The following KIT variants were observed in gnomAD, a reference collection of about 807,000 sequenced individuals.
KIT encodes the protein mast/stem cell growth factor receptor Kit.
Under a neutral mutation model 105.7 loss-of-function variants are expected in KIT, and 16 were observed. The ratio of observed to expected loss-of-function variants is 0.15; its 90% CI spans 0.10 to 0.23. The LOEUF is 0.23. KIT is among the 10% of genes least tolerant of loss of function. KIT has a pLI of 1.00. For synonymous variants in KIT, 438 were observed against 441.1 expected, an observed-to-expected ratio of 0.99 and a Z score of 0.09; for missense variants, 858 against 1,213.8, an observed-to-expected ratio of 0.71 and a Z score of 4.36.
At chr4:54,662,998 A>T (rs1293429834) in intron 1 of KIT, among the ~76,000 whole-genome samples, 1 of 139,660 alleles carries the variant, frequency 7.2e-6, no homozygotes, top group East Asian at 1.9e-4. Flanking sequence ...AGGGGGGAAA[A>T]AAAAAAACTA....
In KIT at chr4:54,727,947, T is replaced by G. The variant is rs1722345480; in HGVS notation, c.1879+20T>G. On this transcript the variant is annotated intron_variant, in intron 12 of 20. Transcript: ENST00000288135. The stretch of plus-strand genomic sequence containing the variant: ...TCAAGCGTAAGTTCCTGTATGGTAC[T>G]GCATGCGCTTGACATCAGTTTGCCA... 2.5e-6 allele frequency: 4 copies of G among 1,611,486 alleles called. No homozygotes were observed. The highest frequency in any genetic ancestry group is 3.4e-6 in the Non-Finnish European group (4 of 1,177,576).
intron 1 of KIT, among the ~76,000 whole-genome samples, chr4:54,659,057 T>G (rs1427881769): frequency 6.6e-6 from 1 of 152,074 alleles, no homozygotes; most frequent in African/African-American, 2.4e-5. Flanking sequence ...TCCCGGTGTC[T>G]GCGACCTGTA....
intron 3 of KIT, among the ~76,000 whole-genome samples, chr4:54,699,026 CTG>C (rs2109676482): frequency 6.6e-6 from 1 of 152,316 alleles, no homozygotes; most frequent in East Asian, 1.9e-4. Flanking sequence ...TTCCAGTTGA[CTG>C]TGGAACTTGT....
chr4:54,688,344 G>A (rs1719461785), intron 1 of KIT, among the ~76,000 whole-genome samples: 1 of 152,206 alleles, frequency 6.6e-6, no homozygotes, highest in South Asian at 2.1e-4. Context: ...TAAACACTAT[G>A]TGAACCGAAG....
chr4:54,710,607 C>CATG (rs10650739), intron 7 of KIT, among the ~76,000 whole-genome samples: 150,256 of 152,074 alleles, frequency 0.99, 74,265 homozygotes, highest in Middle Eastern at 1. Context: ...AGTGCAGTGA[C>CATG]ATCTCGATTC....
intron 5 of KIT, among the ~76,000 whole-genome samples, chr4:54,706,874 G>A (rs1169569796): frequency 1.3e-5 from 2 of 152,142 alleles, no homozygotes; most frequent in African/African-American, 4.8e-5. Context: ...TTGCTTAAGA[G>A]GCAGAGATGG....
intron 1 of KIT, among the ~76,000 whole-genome samples, chr4:54,694,371 A>G (rs1454805553): frequency 6.6e-6 from 1 of 152,076 alleles, no homozygotes; most frequent in Non-Finnish European, 1.5e-5. Flanking sequence ...GTTTTTAGAG[A>G]GACAGAGTCT....
intron 17 of KIT, among the ~76,000 whole-genome samples, chr4:54,733,592 A>C (rs1722736024): frequency 6.6e-6 from 1 of 152,172 alleles, no homozygotes; most frequent in Admixed American, 6.6e-5. Flanking sequence ...ATTCAGAGTT[A>C]GCCATATAGA....
chr4:54,725,342 T>A (rs1722148663), intron 8 of KIT, among the ~76,000 whole-genome samples: 1 of 152,124 alleles, frequency 6.6e-6, no homozygotes, highest in African/African-American at 2.4e-5. Flanking sequence ...TGACCTCAGG[T>A]GATCTGCCCA....
chr4:54,683,049 G>A (rs1719063574), intron 1 of KIT, among the ~76,000 whole-genome samples: 1 of 150,310 alleles, frequency 6.7e-6, no homozygotes, highest in Non-Finnish European at 1.5e-5. Flanking sequence ...ACTGTGCCCG[G>A]CCTGTCTTAA....
chr4:54,676,979 C>T (rs1022100807), intron 1 of KIT, among the ~76,000 whole-genome samples: 2 of 152,070 alleles, frequency 1.3e-5, no homozygotes, highest in Non-Finnish European at 1.5e-5. Context: ...CATTGTACAG[C>T]GTGCTTGTTC....
At chr4:54,667,940 C>A (rs550011070) in intron 1 of KIT, among the ~76,000 whole-genome samples, 1 of 152,324 alleles carries the variant, frequency 6.6e-6, no homozygotes, top group African/African-American at 2.4e-5. Context: ...TTCCCCACTC[C>A]TAGCCAAGAT....
At chr4:54,725,435 A>G (rs1292156941) in intron 8 of KIT, among the ~76,000 whole-genome samples, 1 of 151,802 alleles carries the variant, frequency 6.6e-6, no homozygotes, top group African/African-American at 2.4e-5. Flanking sequence ...TTCCTCCTCT[A>G]TGCTATTTCT....
chr4:54,718,499 C>A (rs1298872713), intron 7 of KIT, among the ~76,000 whole-genome samples: 1 of 152,142 alleles, frequency 6.6e-6, no homozygotes, highest in Non-Finnish European at 1.5e-5. Flanking sequence ...TTAGTGTCCA[C>A]AAGGAAAGTT....
At chr4:54,737,086 G>A in intron 19 of KIT, 89 bp from the exon 20 acceptor site, 1 of 856,256 alleles carries the variant, frequency 1.2e-6, no homozygotes, top group South Asian at 1.4e-5. Flanking sequence ...CATAGCCCTG[G>A]AATTATTACT....
chr4:54,723,648 A>G lies in KIT; in HGVS notation c.1296A>G (p.Gly432=), dbSNP rs781686359. Reference sequence around the variant, plus strand: ...GCATGCTCCAATGTGTGGCAGCAGGATTCCCAGAGCCCACAATAGATTGGT... The same window carrying G: ...GCATGCTCCAATGTGTGGCAGCAGGGTTCCCAGAGCCCACAATAGATTGGT... ...VNGMLQCVAA[G]FPEPTIDWYF... is the part of the protein sequence containing the mutation. Residue 432 remains glycine, a synonymous_variant, in exon 8 of 21, where the codon GGA becomes GGG. Coordinates refer to ENST00000288135, the MANE Select transcript of KIT (RefSeq NM_000222.3). 20 of 1,614,030 alleles carry G rather than the reference A, an allele frequency of 1.2e-5. No individual in the cohort carries two copies. In the Admixed American group the frequency reaches 3.3e-4, roughly 27 times the overall value.
At position 54,733,119 on chromosome 4, in the gene KIT, G is replaced by A. The variant is rs777616126; in HGVS notation, c.2411G>A (p.Arg804Gln). Reference sequence around the variant, plus strand: ...AGAAATATCCTCCTTACTCATGGTCGGATCACAAAGATTTGTGATTTTGGT... The same window carrying A: ...AGAAATATCCTCCTTACTCATGGTCAGATCACAAAGATTTGTGATTTTGGT... Reference protein sequence around the residue: ...AARNILLTHGRITKICDFGLA... With the variant: ...AARNILLTHGQITKICDFGLA... Residue 804 changes from arginine (R) to glutamine (Q), a missense_variant, in exon 17 of 21, where the codon CGG becomes CAG. Around this residue, in one of 7 missense-constraint regions of KIT, gnomAD observed 63 missense variants for 137.4 expected, o/e 0.46. Transcript: ENST00000288135. The A allele has an allele frequency of 9.9e-6, 16 of 1,610,372 alleles. No homozygotes were observed. The highest frequency in any genetic ancestry group is 2.2e-5 in the East Asian group (1 of 44,810).
rs147943899 is a variant in KIT, at chr4:54,695,665, C to T, written c.221C>T (p.Thr74Met). Residue 74 changes from threonine (T) to methionine (M), a missense_variant, in exon 2 of 21, where the codon ACG becomes ATG. Around this residue, in one of 7 missense-constraint regions of KIT, gnomAD observed 401 missense variants for 601.0 expected, o/e 0.67. Transcript: ENST00000288135. ...VKWTFEILDE[T>M]NENKQNEWIT... ...TGGACTTTTGAGATCCTGGATGAAA[C>T]GAATGAGAATAAGCAGAATGAATGG... 1.4e-5 allele frequency: 22 copies of T among 1,614,046 alleles called. No homozygotes were observed. The highest frequency in any genetic ancestry group is 4.0e-5 in the African/African-American group (3 of 74,916).
At chr4:54,684,384 G>A (rs907793412) in intron 1 of KIT, among the ~76,000 whole-genome samples, 7 of 152,100 alleles carry the variant, frequency 4.6e-5, no homozygotes. Context: ...AAAAAAGGGG[G>A]GCTTGAGCCC....
Sources: allele counts gnomAD v4.1 joint callset (sites outside exome capture counted in the v4.1 genomes callset), GRCh38; gene constraint gnomAD v4.1.1; regional missense constraint gnomAD v4.1.1; transcripts MANE v1.5; gene names NCBI Gene and HGNC (gene_info 2026-07-23, HGNC 2026-07-21).